NPIPA5: variants seen among roughly 807,000 people sequenced by gnomAD.
The protein encoded by NPIPA5 is nuclear pore complex-interacting protein family member A5.
In NPIPA5, 6 loss-of-function variants were observed where a neutral mutation model predicts 21.4. The ratio of observed to expected loss-of-function variants is 0.28; its 90% confidence interval spans 0.15 to 0.55. The LOEUF is 0.55. NPIPA5 is among the 20% of genes least tolerant of loss of function. NPIPA5 has a pLI of 0.93. For missense variants in NPIPA5, 99 were observed against 318.2 expected (o/e 0.31, Z 5.24); for synonymous variants, 33 against 115.3 (o/e 0.29, Z 4.57).
intron 1 of NPIPA5, among the ~76,000 whole-genome samples, chr16:15,376,702 G>A (rs1282750680): frequency 6.6e-6 from 1 of 152,226 alleles, no homozygotes; most frequent in Non-Finnish European, 1.5e-5. Context: ...GGATCACGAG[G>A]TCAAGACATG....
rs1009000495 is a variant in NPIPA5 at position 15,366,985 on chromosome 16, T to G, written c.438-225A>C. On this transcript the variant is annotated intron_variant, in intron 4 of 7. Coordinates refer to ENST00000360151, the MANE Select transcript of NPIPA5 (RefSeq NM_001277325.2). ...AGTCACCTGTCATTTCCAGCTCATC[T>G]TCATAGTTCCATAGTTAGTCCTATT... Among the ~76,000 whole-genome samples the G allele has an allele frequency of 3.3e-4, 50 of 152,198 alleles. 1 individual carries two copies. The highest frequency in any genetic ancestry group is 1.2e-3 in the African/African-American group (49 of 41,508).
rs1192533881 is a variant in NPIPA5 at position 15,366,055 on chromosome 16, C to T, written c.546-421G>A. ...TTGCACTCCAGCCTGGGTGACACAG[C>T]GAGACTCCATCTCAGAAAAACAAAA... On this transcript the variant is annotated intron_variant, in intron 5 of 7. Coordinates refer to ENST00000360151, the MANE Select transcript of NPIPA5 (RefSeq NM_001277325.2). 4.3e-5 allele frequency among the ~76,000 whole-genome samples: 2 copies of T among 46,136 alleles called. 1 individual carries two copies. Among genetic ancestry groups the T allele is most frequent in the African/African-American group, 1.2e-4 (2 of 17,216 alleles). The allele number at this position is 46,136 out of a possible 152,430, so 30.3% of individuals were successfully genotyped here.
chr16:15,374,041 T>A (rs1181893183), intron 1 of NPIPA5, among the ~76,000 whole-genome samples, 198 bp from the exon 2 acceptor site: 1 of 116,670 alleles, frequency 8.6e-6, no homozygotes, highest in Non-Finnish European at 1.7e-5. Context: ...GGTAGTGTTT[T>A]TAGGCATTGC....
Position 15,363,755 on chromosome 16 carries a change from T to C in NPIPA5, c.957A>G (p.Ser319=). The change falls in exon 8 of 8, where the codon TCA becomes TCG. Residue 319 remains serine (S), a synonymous_variant. Coordinates refer to ENST00000360151, the MANE Select transcript of NPIPA5 (RefSeq NM_001277325.2). The part of the protein sequence containing the change: ...AECLLTPLPP[S]APPSADDNLK... ...GATTATCATCCGCTGAGGGTGGAGC[T>C]GAGGGTGGAAGGGGAGTGAGCAGAC... 4.7e-6 allele frequency: 6 copies of C among 1,267,716 alleles called. No homozygotes were observed. The highest frequency in any genetic ancestry group is 6.1e-6 in the Non-Finnish European group (6 of 978,600). The allele number at this position is 1,267,716 out of a possible 1,614,324, so 78.5% of individuals were successfully genotyped here. A position where few individuals can be genotyped will look rare whatever the true frequency, so the allele number is the denominator to read the frequency against.
chr16:15,371,848 A>T (rs1397046347), intron 2 of NPIPA5, among the ~76,000 whole-genome samples: 2 of 144,032 alleles, frequency 1.4e-5, no homozygotes, highest in Non-Finnish European at 1.5e-5. Context: ...TTTTTTCCTG[A>T]TTTCTGCACA....
chr16:15,381,078 G>C (rs1181981367), upstream of NPIPA5: 1 of 1,537,110 alleles, frequency 6.5e-7, no homozygotes, highest in African/African-American at 1.4e-5. Context: ...CTCATGATGA[G>C]TGCCAACCTA....
chr16:15,376,846 G>C (rs1598406680), intron 1 of NPIPA5, among the ~76,000 whole-genome samples: 1 of 152,146 alleles, frequency 6.6e-6, no homozygotes, highest in African/African-American at 2.4e-5. Flanking sequence ...AATTAGCCAG[G>C]CATTGTAATC....
chr16:15,377,707 C>T (rs1361923208), intron 1 of NPIPA5, among the ~76,000 whole-genome samples: 31 of 74,000 alleles, frequency 4.2e-4, no homozygotes, highest in African/African-American at 1.3e-3. Flanking sequence ...GAGAAGGGGG[C>T]TGTTGGGGAG....
At chr16:15,376,526 CAAATAAAT>C (rs961265159) in intron 1 of NPIPA5, among the ~76,000 whole-genome samples, 1 of 147,890 alleles carries the variant, frequency 6.8e-6, no homozygotes, top group Non-Finnish European at 1.5e-5. Context: ...GAAACTGTCT[CAAATAAAT>C]AAATAAATAA....
intron 1 of NPIPA5, among the ~76,000 whole-genome samples, chr16:15,376,915 A>G (rs1380210222): frequency 1.3e-5 from 2 of 152,118 alleles, no homozygotes; most frequent in African/African-American, 4.8e-5. Flanking sequence ...CGGAGGTTGC[A>G]GTGAGCCGAG....
intron 4 of NPIPA5, among the ~76,000 whole-genome samples, 169 bp downstream of exon 4, chr16:15,369,543 G>A (rs1479725440): frequency 6.6e-6 from 1 of 151,696 alleles, no homozygotes; most frequent in Non-Finnish European, 1.5e-5. Flanking sequence ...TTGTAGGAAG[G>A]GAAAGGAATT....
At chr16:15,375,883 C>G (rs1285289200) in intron 1 of NPIPA5, among the ~76,000 whole-genome samples, 2 of 151,732 alleles carry the variant, frequency 1.3e-5, no homozygotes, top group African/African-American at 2.4e-5. Context: ...TAAGTTCAGA[C>G]AGCTTGTGAT....
At chr16:15,379,802 G>C (rs963486900), upstream of NPIPA5, among the ~76,000 whole-genome samples, 4 of 151,888 alleles carry the variant, frequency 2.6e-5, no homozygotes, top group Non-Finnish European at 5.9e-5. Flanking sequence ...AAAATTAGCT[G>C]GGCATGGTGG....
chr16:15,375,703 C>A (rs2050272466), intron 1 of NPIPA5, among the ~76,000 whole-genome samples: 1 of 143,098 alleles, frequency 7.0e-6, no homozygotes, highest in South Asian at 2.3e-4. Flanking sequence ...GATCGCACCA[C>A]TGCACTTCAG....
intron 4 of NPIPA5, among the ~76,000 whole-genome samples, chr16:15,368,814 A>G (rs2050057566): frequency 7.5e-6 from 1 of 133,852 alleles, no homozygotes; most frequent in African/African-American, 2.7e-5. Context: ...CCCTGCCTCT[A>G]CTAAAAATAC....
intron 1 of NPIPA5, among the ~76,000 whole-genome samples, chr16:15,374,258 G>T (rs2050230873): frequency 6.6e-6 from 1 of 151,002 alleles, no homozygotes; most frequent in Non-Finnish European, 1.5e-5. Context: ...GAGTGCAGTG[G>T]TGCAATCTCG....
At chr16:15,371,326 G>C (rs981473378) in intron 2 of NPIPA5, among the ~76,000 whole-genome samples, 4 of 143,688 alleles carry the variant, frequency 2.8e-5, no homozygotes, top group Non-Finnish European at 4.5e-5. Context: ...GTTGAGGCTG[G>C]TTTGAACTTA....
At chr16:15,375,896 C>T (rs1468652225) in intron 1 of NPIPA5, among the ~76,000 whole-genome samples, 1 of 151,592 alleles carries the variant, frequency 6.6e-6, no homozygotes, top group Non-Finnish European at 1.5e-5. Context: ...CTTGTGATAA[C>T]ATTTCTACAT....
chr16:15,380,125 C>T (rs2050403680), upstream of NPIPA5, among the ~76,000 whole-genome samples: 1 of 151,506 alleles, frequency 6.6e-6, no homozygotes, highest in Non-Finnish European at 1.5e-5. Flanking sequence ...TTTTTGTAGA[C>T]TGCACAGAGC....
Sources: gnomAD v4.1 joint callset for allele counts (sites outside exome capture counted in the v4.1 genomes callset) on GRCh38, gnomAD v4.1.1 for gene constraint, MANE v1.5 for transcripts, NCBI Gene and HGNC (gene_info 2026-07-23, HGNC 2026-07-21) for gene names.